Variants in GABRB1 observed in about 807,000 individuals in gnomAD.
GABRB1 encodes the protein gamma-aminobutyric acid type A receptor subunit beta1.
In GABRB1, 17 loss-of-function variants were observed where a neutral mutation model predicts 51.6. The observed-to-expected ratio is 0.33, with a 90% confidence interval of 0.23 to 0.49. The LOEUF (loss-of-function observed/expected upper bound fraction) is 0.49, where lower values mean the gene tolerates loss of function less well. GABRB1 is among the 20% of genes least tolerant of loss of function. GABRB1 has a pLI of 0.99. For missense variants in GABRB1, 410 were observed against 600.6 expected (o/e 0.68, Z 3.32); for synonymous variants, 247 against 218.9 (o/e 1.13, Z -1.14).
chr4:47,207,443 C>T (rs1312289242), intron 4 of GABRB1, among the ~76,000 whole-genome samples: 1 of 151,968 alleles, frequency 6.6e-6, no homozygotes, highest in African/African-American at 2.4e-5. Context: ...GTGAGTGAAT[C>T]AGAACTGACT....
At chr4:47,194,729 C>T (rs1424555098) in intron 4 of GABRB1, among the ~76,000 whole-genome samples, 1 of 152,116 alleles carries the variant, frequency 6.6e-6, no homozygotes, top group East Asian at 1.9e-4. Context: ...CACTGCAGAA[C>T]TCAATGGATA....
intron 3 of GABRB1, among the ~76,000 whole-genome samples, chr4:47,047,436 TA>T (rs950177089): frequency 6.6e-6 from 1 of 152,062 alleles, no homozygotes; most frequent in Non-Finnish European, 1.5e-5. Flanking sequence ...AACTGAGATA[TA>T]AAAAAATTAA....
intron 5 of GABRB1, among the ~76,000 whole-genome samples, chr4:47,381,348 T>C (rs1161150771): frequency 2.0e-5 from 3 of 152,182 alleles, no homozygotes; most frequent in Non-Finnish European, 4.4e-5. Context: ...CTCAACTCTC[T>C]GCACCAGTGA....
At chr4:47,395,649 C>T (rs1048389285) in intron 5 of GABRB1, among the ~76,000 whole-genome samples, 1 of 152,166 alleles carries the variant, frequency 6.6e-6, no homozygotes. Context: ...GCCAAGATTT[C>T]CTTCTTTGTA....
intron 4 of GABRB1, among the ~76,000 whole-genome samples, chr4:47,234,217 G>A (rs1328139673): frequency 1.3e-5 from 2 of 152,192 alleles, no homozygotes; most frequent in African/African-American, 2.4e-5. Context: ...GCTGGGTGCA[G>A]TGGCTCACAC....
intron 4 of GABRB1, among the ~76,000 whole-genome samples, chr4:47,193,125 T>TTTG (rs140155461): frequency 4.0e-4 from 61 of 151,938 alleles, no homozygotes; most frequent in East Asian, 2.0e-3. Flanking sequence ...ATATGTGTTT[T>TTTG]TTGTTGTTGT....
At chr4:47,241,917 A>C (rs1242331526) in intron 4 of GABRB1, among the ~76,000 whole-genome samples, 1 of 152,056 alleles carries the variant, frequency 6.6e-6, no homozygotes, top group South Asian at 2.1e-4. Flanking sequence ...TTTAAGTTCT[A>C]GGATACATGT....
At chr4:47,382,796 T>G (rs995555848) in intron 5 of GABRB1, among the ~76,000 whole-genome samples, 1 of 152,190 alleles carries the variant, frequency 6.6e-6, no homozygotes, top group Non-Finnish European at 1.5e-5. Flanking sequence ...TCCTATTTCA[T>G]GGACATCAGA....
chr4:47,208,246 G>A (rs1378396745), intron 4 of GABRB1, among the ~76,000 whole-genome samples: 3 of 151,978 alleles, frequency 2.0e-5, no homozygotes, highest in Admixed American at 2.0e-4. Context: ...AAAAGGATAA[G>A]TAATGTATAA....
chr4:47,034,804 C>A (rs1017797404), intron 3 of GABRB1, among the ~76,000 whole-genome samples: 9 of 152,060 alleles, frequency 5.9e-5, no homozygotes, highest in Admixed American at 5.2e-4. Flanking sequence ...TTAGCCCGCA[C>A]CCCCAAAAGA....
At chr4:47,178,192 A>T (rs1460911461) in intron 4 of GABRB1, among the ~76,000 whole-genome samples, 3 of 152,124 alleles carry the variant, frequency 2.0e-5, no homozygotes, top group Non-Finnish European at 4.4e-5. Context: ...GAGAAAATGC[A>T]TTCGGAATGA....
intron 4 of GABRB1, among the ~76,000 whole-genome samples, chr4:47,267,774 G>A (rs1428529979): frequency 1.3e-5 from 2 of 152,012 alleles, no homozygotes. Context: ...CAGCCTGGGT[G>A]ACAAGAGTGA....
chr4:47,158,868 A>G (rs183018425), intron 3 of GABRB1, among the ~76,000 whole-genome samples: 44 of 152,242 alleles, frequency 2.9e-4, no homozygotes, highest in African/African-American at 1.0e-3. Flanking sequence ...CATAGCAATT[A>G]AAAATTTTGA....
At position 47,003,260 on chromosome 4, in the gene GABRB1, T is replaced by G. The variant is rs139372251; in HGVS notation, c.-20+9334T>G. 1.8e-3 allele frequency among the ~76,000 whole-genome samples: 275 copies of G among 152,316 alleles called. 2 individuals carry two copies. The highest frequency in any genetic ancestry group is 6.4e-3 in the African/African-American group (264 of 41,572). ...ATTTAGATTAAGTGCAGCTCACTTG[T>G]GAAATCCACCTCCTCCCAGGTAAGG... On this transcript the variant is annotated intron_variant, in intron 1 of 3. Coordinates refer to the GABRB1 transcript ENST00000513567.
chr4:47,324,433 C>A (rs752323166), intron 5 of GABRB1, among the ~76,000 whole-genome samples: 2 of 152,166 alleles, frequency 1.3e-5, no homozygotes, highest in Non-Finnish European at 2.9e-5. Flanking sequence ...GCTGAAAACT[C>A]TTCTCATCTT....
chr4:47,255,670 G>A (rs1268638074), intron 4 of GABRB1, among the ~76,000 whole-genome samples: 1 of 152,226 alleles, frequency 6.6e-6, no homozygotes, highest in Non-Finnish European at 1.5e-5. Flanking sequence ...ACTTGAGTGT[G>A]CACCAGACTT....
chr4:47,410,355 C>T (rs1342794984), intron 8 of GABRB1, among the ~76,000 whole-genome samples: 1 of 152,104 alleles, frequency 6.6e-6, no homozygotes, highest in African/African-American at 2.4e-5. Context: ...TAGAAATCTG[C>T]TTTAAGACAT....
At chr4:47,033,825 C>A (rs966914246) in intron 3 of GABRB1, among the ~76,000 whole-genome samples, 1 of 152,110 alleles carries the variant, frequency 6.6e-6, no homozygotes, top group Admixed American at 6.5e-5. Flanking sequence ...TTGTAAATGT[C>A]TCTGATTGTC....
At chr4:47,128,643 T>C (rs909201359) in intron 3 of GABRB1, among the ~76,000 whole-genome samples, 1 of 152,004 alleles carries the variant, frequency 6.6e-6, no homozygotes, top group Non-Finnish European at 1.5e-5. Flanking sequence ...GCATTTAAGA[T>C]TTTTTTATTT....
Sources: allele counts gnomAD v4.1 joint callset (sites outside exome capture counted in the v4.1 genomes callset), GRCh38; gene constraint gnomAD v4.1.1; transcripts MANE v1.5; gene names NCBI Gene and HGNC (gene_info 2026-07-23, HGNC 2026-07-21).